Variants in KCNV1 observed in about 807,000 individuals in gnomAD.
KCNV1 encodes potassium voltage-gated channel subfamily V member 1.
Under a neutral mutation model 36.4 loss-of-function variants are expected in KCNV1, and 2 were observed. That is an observed-to-expected ratio of 0.05 (90% confidence interval 0.02 to 0.17). The LOEUF is 0.17. Among genes scored for constraint, KCNV1 ranks in the 10% least tolerant of loss-of-function variants. The pLI is 1.00. For synonymous variants in KCNV1, 280 were observed against 261.1 expected (o/e 1.07, Z -0.70); for missense variants, 321 against 643.6 (o/e 0.50, Z 5.42).
chr8:109,969,920 T>C (rs547145623), intron 3 of KCNV1, among the ~76,000 whole-genome samples: 3 of 152,132 alleles, frequency 2.0e-5, no homozygotes, highest in Admixed American at 6.5e-5. Flanking sequence ...CCATAAGATT[T>C]ATTCCCTAAT....
Position 109,963,863 on chromosome 8 carries a change from T to C in KCNV1, c.*4225A>G, listed in dbSNP as rs1418456213. ...CTCTTAATAGAGATACCTCAGTAATTTCTTAAAATTGCTTTTTTAGGTACT... is the reference window on the plus strand; with the variant it reads ...CTCTTAATAGAGATACCTCAGTAATCTCTTAAAATTGCTTTTTTAGGTACT... On this transcript the variant is annotated 3_prime_UTR_variant, in exon 4 of 4. Coordinates refer to ENST00000524391, the MANE Select transcript of KCNV1 (RefSeq NM_014379.4). 1 of 152,202 alleles carries C rather than the reference T, an allele frequency of 6.6e-6. No homozygotes were observed. The highest frequency in any genetic ancestry group is 1.5e-5 in the Non-Finnish European group (1 of 68,036). 9.4% of individuals were successfully genotyped at this position (152,202 alleles called of 1,614,324 possible). A position where few individuals can be genotyped will look rare whatever the true frequency, so the allele number is the denominator to read the frequency against.
Position 109,974,231 on chromosome 8 carries a change from G to A in KCNV1, c.158C>T (p.Ser53Leu), listed in dbSNP as rs1425751825. 1.3e-6 allele frequency: 2 copies of A among 1,571,268 alleles called. No homozygotes were observed. Among genetic ancestry groups the A allele is most frequent in the Non-Finnish European group, 8.6e-7 (1 of 1,159,354 alleles). ...CGGGAAGCAGGACAGCGCCTGCTGC[G>A]AGAGCACGAAGCGGCTGCCGCCCAC... is the stretch of plus-strand genomic sequence containing the variant. ...VNVGGSRFVLSQQALSCFPHT... is the reference protein window; with the variant it reads ...VNVGGSRFVLLQQALSCFPHT... Residue 53 changes from serine to leucine, a missense_variant, in exon 2 of 4, where the codon TCG (serine) becomes TTG (leucine). By Grantham distance (145) the Ser-to-Leu change is moderately radical. Transcript: ENST00000524391. This position sits in a 1 kb window ranked among gnomAD's most constrained non-coding sequence, Gnocchi z 6.2.
At chr8:109,970,819 G>A (rs1820001241) in intron 3 of KCNV1, among the ~76,000 whole-genome samples, 2 of 152,084 alleles carry the variant, frequency 1.3e-5, no homozygotes, top group African/African-American at 4.8e-5. Flanking sequence ...AGTTTTTACT[G>A]GGTGTTTTTA....
rs567096371 is a variant in KCNV1 at position 109,974,599 on chromosome 8, A to C, written c.-211T>G. On this transcript the variant is annotated 5_prime_UTR_variant, in exon 2 of 4. Transcript: ENST00000524391. The surrounding 1 kb of genome is among the most constrained non-coding windows in gnomAD (Gnocchi z 6.2). ...AGCCGGGAGTGCGCGGAAGCAGCGC[A>C]CAAGTGGCAGAAAGAGGAGACAGGG... The C allele has an allele frequency of 1.2e-4, 70 of 586,124 alleles. 1 individual carries two copies. The South Asian group carries it at 1.3e-3, about 11-fold the overall frequency. The allele number at this position is 586,124 out of a possible 1,614,324, so 36.3% of individuals were successfully genotyped here.
intron 3 of KCNV1, among the ~76,000 whole-genome samples, chr8:109,970,364 T>G (rs1366275969): frequency 6.6e-6 from 1 of 152,196 alleles, no homozygotes; most frequent in African/African-American, 2.4e-5. Flanking sequence ...TCAAAACAAT[T>G]TTGTAAAGGA....
chr8:109,975,142 T>C lies in KCNV1; in HGVS notation c.-754A>G. 6.6e-6 allele frequency: 1 copy of C among 152,168 alleles called. No individual in the cohort carries two copies. Among genetic ancestry groups the C allele is most frequent in the African/African-American group, 2.4e-5 (1 of 41,414 alleles). The allele number at this position is 152,168 out of a possible 1,614,324, so 9.4% of individuals were successfully genotyped here. On this transcript the variant is annotated 5_prime_UTR_variant, in exon 2 of 4. Coordinates refer to ENST00000524391, the MANE Select transcript of KCNV1 (RefSeq NM_014379.4). ...CCAATTCACTCTCATTCTAGTCTGA[T>C]GATCACTGACGCTCCATTTTCTTCC...
chr8:109,974,185 C>A lies in KCNV1; in HGVS notation c.204G>T (p.Leu68=), dbSNP rs1370078403. Residue 68 remains leucine (L), a synonymous_variant, in exon 2 of 4, where the codon CTG becomes CTT. Coordinates refer to ENST00000524391, the MANE Select transcript of KCNV1 (RefSeq NM_014379.4). This position sits in a 1 kb window ranked among gnomAD's most constrained non-coding sequence, Gnocchi z 6.2. ...GGCGGTAGGAAGCCACCACCACGGCCAGCTTGCCAAGGCGCGTGTGCGGGA... is the reference window on the plus strand; with the variant it reads ...GGCGGTAGGAAGCCACCACCACGGCAAGCTTGCCAAGGCGCGTGTGCGGGA... ...SCFPHTRLGK[L]AVVVASYRRP... is the part of the protein sequence containing the mutation. 1 of 1,594,834 alleles carries A rather than the reference C, an allele frequency of 6.3e-7. No homozygotes were observed. The highest frequency in any genetic ancestry group is 1.7e-5 in the Admixed American group (1 of 57,182).
rs1017798994 is a variant in KCNV1 at position 109,965,318 on chromosome 8, C to T, written c.*2770G>A. On this transcript the variant is annotated 3_prime_UTR_variant, in exon 4 of 4. Transcript: ENST00000524391. ...TAAAAAATTAAATATTGTTTTATAA[C>T]AATAATTCTTAGATGTTTAAAAAGT... is the stretch of plus-strand genomic sequence containing the variant. 1.3e-5 allele frequency: 2 copies of T among 152,054 alleles called. No individual in the cohort carries two copies. Among genetic ancestry groups the T allele is most frequent in the Non-Finnish European group, 2.9e-5 (2 of 67,996 alleles). 9.4% of individuals were successfully genotyped at this position (152,054 alleles called of 1,614,324 possible). A position where few individuals can be genotyped will look rare whatever the true frequency, so the allele number is the denominator to read the frequency against.
intron 3 of KCNV1, among the ~76,000 whole-genome samples, chr8:109,971,029 T>C (rs1298180446): frequency 2.6e-5 from 4 of 152,192 alleles, no homozygotes; most frequent in African/African-American, 9.7e-5. Flanking sequence ...AAGAAAAACA[T>C]ATCAGAAGTA....
chr8:109,967,941 C>T lies in KCNV1; in HGVS notation c.*147G>A, dbSNP rs1463409801. 1 of 742,990 alleles carries T rather than the reference C, an allele frequency of 1.3e-6. No individual in the cohort carries two copies. The highest frequency in any genetic ancestry group is 2.7e-5 in the East Asian group (1 of 36,864). The allele number at this position is 742,990 out of a possible 1,614,324, so 46.0% of individuals were successfully genotyped here. On this transcript the variant is annotated 3_prime_UTR_variant, in exon 4 of 4. Coordinates refer to ENST00000524391, the MANE Select transcript of KCNV1 (RefSeq NM_014379.4). Reference sequence around the variant, plus strand: ...GTTGTTATAGGTGATGTGAAATATTCTAGTAGATGAAGCAATATATCAGCA... The same window carrying T: ...GTTGTTATAGGTGATGTGAAATATTTTAGTAGATGAAGCAATATATCAGCA...
In KCNV1 at chr8:109,964,762, G is replaced by A. The variant is rs1819925659; in HGVS notation, c.*3326C>T. 3 of 152,186 alleles carry A rather than the reference G, an allele frequency of 2.0e-5. No individual in the cohort carries two copies. The highest frequency in any genetic ancestry group is 4.4e-5 in the Non-Finnish European group (3 of 68,042). The allele number at this position is 152,186 out of a possible 1,614,324, so 9.4% of individuals were successfully genotyped here. ...AGGAAGAGAAAACCAAATACCACAT[G>A]TTCTCACTTATAAGTGGGAGCTAAA... On this transcript the variant is annotated 3_prime_UTR_variant, in exon 4 of 4. Coordinates refer to ENST00000524391, the MANE Select transcript of KCNV1 (RefSeq NM_014379.4).
rs1283656862 is a variant in KCNV1 at position 109,968,199 on chromosome 8, G to T, written c.1392C>A (p.Ile464=). 6.2e-7 allele frequency: 1 copy of T among 1,614,190 alleles called. No individual in the cohort carries two copies. The highest frequency in any genetic ancestry group is 8.5e-7 in the Non-Finnish European group (1 of 1,180,028). The part of the protein sequence containing the change: ...LTKNIATDSY[I]SVNLRDVYAR... Reference sequence around the variant, plus strand: ...CATAGACATCTCTCAAGTTAACACTGATATATGAGTCAGTGGCTATATTCT... The same window carrying T: ...CATAGACATCTCTCAAGTTAACACTTATATATGAGTCAGTGGCTATATTCT... The change falls in exon 4 of 4, where the codon ATC becomes ATA. Residue 464 remains isoleucine, a synonymous_variant. Transcript: ENST00000524391. This position sits in a 1 kb window ranked among gnomAD's most constrained non-coding sequence, Gnocchi z 5.3.
rs1024170076 is a variant in KCNV1, at chr8:109,965,221, C to T, written c.*2867G>A. On this transcript the variant is annotated 3_prime_UTR_variant, in exon 4 of 4. Coordinates refer to ENST00000524391, the MANE Select transcript of KCNV1 (RefSeq NM_014379.4). ...GACACTCCGTCTCAAAAAACCAAACCAAAACAAAACAAAGAAAGTAGTGTT... is the reference window on the plus strand; with the variant it reads ...GACACTCCGTCTCAAAAAACCAAACTAAAACAAAACAAAGAAAGTAGTGTT... 4 of 151,994 alleles carry T rather than the reference C, an allele frequency of 2.6e-5. No individual in the cohort carries two copies. The highest frequency in any genetic ancestry group is 2.0e-4 in the Admixed American group (3 of 15,270). 9.4% of individuals were successfully genotyped at this position (151,994 alleles called of 1,614,324 possible).
At position 109,965,471 on chromosome 8, in the gene KCNV1, G is replaced by C. The variant is rs1055162762; in HGVS notation, c.*2617C>G. 9.9e-5 allele frequency: 15 copies of C among 151,900 alleles called. No homozygotes were observed. The highest frequency in any genetic ancestry group is 3.4e-4 in the African/African-American group (14 of 41,342). The allele number at this position is 151,900 out of a possible 1,614,324, so 9.4% of individuals were successfully genotyped here. A position where few individuals can be genotyped will look rare whatever the true frequency, so the allele number is the denominator to read the frequency against. ...AAATAAAATGATATTTTATTTAACA[G>C]CAAAATTGAGTAAGCAATGATATTT... On this transcript the variant is annotated 3_prime_UTR_variant, in exon 4 of 4. Coordinates refer to ENST00000524391, the MANE Select transcript of KCNV1 (RefSeq NM_014379.4).
intron 2 of KCNV1, among the ~76,000 whole-genome samples, chr8:109,973,087 T>C (rs1382337835): frequency 2.0e-5 from 3 of 151,790 alleles, no homozygotes; most frequent in African/African-American, 7.3e-5. Flanking sequence ...AAGCGATTCT[T>C]CTGCCCCAGC....
chr8:109,969,035 A>G (rs1164076744), intron 3 of KCNV1, among the ~76,000 whole-genome samples: 2 of 152,152 alleles, frequency 1.3e-5, no homozygotes, highest in East Asian at 3.9e-4. Flanking sequence ...CTTGTTTCAA[A>G]TGCCAGTTTT....
Position 109,967,288 on chromosome 8 carries a change from G to C in KCNV1, c.*800C>G, listed in dbSNP as rs553277776. The C allele has an allele frequency of 5.3e-5, 8 of 152,220 alleles. No individual in the cohort carries two copies. The highest frequency in any genetic ancestry group is 1.9e-4 in the African/African-American group (8 of 41,540). 9.4% of individuals were successfully genotyped at this position (152,220 alleles called of 1,614,324 possible). A position where few individuals can be genotyped will look rare whatever the true frequency, so the allele number is the denominator to read the frequency against. ...ACTTTTACATATTCATTATTTTAAA[G>C]CCATAATGTGAACAATACATCCATA... On this transcript the variant is annotated 3_prime_UTR_variant, in exon 4 of 4. Transcript: ENST00000524391.
In KCNV1 at chr8:109,972,441, A is replaced by G; in HGVS notation, c.808T>C (p.Phe270Leu). The G allele has an allele frequency of 1.9e-6, 3 of 1,614,136 alleles. No homozygotes were observed. Among genetic ancestry groups the G allele is most frequent in the Non-Finnish European group, 2.5e-6 (3 of 1,180,030 alleles). ...ATGATGTTTGGCACCTTTCTTAGGA[A>G]GCGACACCTGTCCCGCACACACAGG... ...RFLCVRDRCR[F>L]LRKVPNIIDL... is the part of the protein sequence containing the mutation. The change falls in exon 3 of 4, where the codon TTC becomes CTC. Residue 270 changes from phenylalanine to leucine, a missense_variant. By Grantham distance (22) the Phe-to-Leu change is conservative. Around this residue, in one of 5 missense-constraint regions of KCNV1, gnomAD observed 141 missense variants for 225.0 expected, o/e 0.63. Transcript: ENST00000524391. The surrounding 1 kb of genome is among the most constrained non-coding windows in gnomAD (Gnocchi z 5.2).
chr8:109,974,374 G>A lies in KCNV1; in HGVS notation c.15C>T (p.Gly5=). The A allele has an allele frequency of 8.7e-6, 13 of 1,499,968 alleles. No homozygotes were observed. The highest frequency in any genetic ancestry group is 1.1e-5 in the Non-Finnish European group (13 of 1,130,918). The allele number at this position is 1,499,968 out of a possible 1,614,324, so 92.9% of individuals were successfully genotyped here. MPSS[G]RALLDSPLDS... ...CCAGCGGCGAGTCCAGCAGCGCTCT[G>A]CCGCTGGAAGGCATCTCTAACCCAG... The change falls in exon 2 of 4, where the codon GGC becomes GGT. Residue 5 remains glycine, a synonymous_variant. Coordinates refer to ENST00000524391, the MANE Select transcript of KCNV1 (RefSeq NM_014379.4). The surrounding 1 kb of genome is among the most constrained non-coding windows in gnomAD (Gnocchi z 6.2).
Sources: gnomAD v4.1 joint callset for allele counts (sites outside exome capture counted in the v4.1 genomes callset) on GRCh38, gnomAD v4.1.1 for gene constraint, gnomAD v4.1.1 regional missense constraint, Gnocchi (gnomAD v3.1) non-coding constraint, MANE v1.5 for transcripts, NCBI Gene and HGNC (gene_info 2026-07-23, HGNC 2026-07-21) for gene names.